Variants in PCDHB1 observed in about 807,000 individuals in gnomAD.
PCDHB1 encodes protocadherin beta 1, also known as protocadherin beta-1.
In PCDHB1, 44 loss-of-function variants were observed where a neutral mutation model predicts 43.5. The observed-to-expected ratio is 1.01, with a 90% confidence interval of 0.79 to 1.30. The LOEUF (loss-of-function observed/expected upper bound fraction) is 1.30, where lower values mean the gene tolerates loss of function less well. PCDHB1 is among the 50% of genes most tolerant of loss of function. The pLI, the probability that PCDHB1 is intolerant of heterozygous loss-of-function variation, is 0.00. For synonymous variants in PCDHB1, 392 were observed against 400.8 expected, an observed-to-expected ratio of 0.98 and a Z score of 0.26; for missense variants, 919 against 1,008.9, an observed-to-expected ratio of 0.91 and a Z score of 1.21.
Position 141,052,657 on chromosome 5 carries a change from C to T in PCDHB1, c.1187C>T (p.Pro396Leu), listed in dbSNP as rs1751017149. ...LREDLPFVIK[P>L]TFGNSYSLVT... ...GAAGACCTTCCCTTTGTAATCAAAC[C>T]TACATTTGGGAATTCTTACTCACTG... Residue 396 changes from proline (P) to leucine (L), a missense_variant, in exon 1 of 1, where the codon CCT (proline) becomes CTT (leucine). Physicochemically the swap from Pro to Leu is moderately conservative, Grantham distance 98. Transcript: ENST00000306549. 2.5e-6 allele frequency: 4 copies of T among 1,614,010 alleles called. No individual in the cohort carries two copies. Among genetic ancestry groups the T allele is most frequent in the Middle Eastern group, 1.6e-4 (1 of 6,084 alleles).
In PCDHB1 at chr5:141,053,357, G is replaced by T; in HGVS notation, c.1887G>T (p.Arg629Ser). The T allele has an allele frequency of 6.2e-7, 1 of 1,614,004 alleles. No homozygotes were observed. Among genetic ancestry groups the T allele is most frequent in the African/African-American group, 1.3e-5 (1 of 74,894 alleles). The part of the protein sequence containing the change: ...QRQNGEIHTL[R>S]QISERDPMMQ... The stretch of plus-strand genomic sequence containing the variant: ...AAAATGGAGAAATCCATACATTAAG[G>T]CAGATATCTGAGAGAGACCCCATGA... The change falls in exon 1 of 1, where the codon AGG becomes AGT. Residue 629 changes from arginine (R) to serine (S), a missense_variant. Physicochemically the swap from Arg to Ser is moderately radical, Grantham distance 110. Transcript: ENST00000306549.
In PCDHB1 at chr5:141,056,881, A is replaced by G. The variant is rs1164194269; in HGVS notation, c.*2954A>G. The stretch of plus-strand genomic sequence containing the variant: ...GGTGATCCACCCGCCTTGGCCTCCC[A>G]AAGTGCTAGGATTACAGCACCATGC... On this transcript the variant is annotated 3_prime_UTR_variant, in exon 1 of 1. Transcript: ENST00000306549. 1.3e-5 allele frequency: 2 copies of G among 152,356 alleles called. No homozygotes were observed. Among genetic ancestry groups the G allele is most frequent in the African/African-American group, 4.8e-5 (2 of 41,582 alleles). The allele number at this position is 152,356 out of a possible 1,614,324, so 9.4% of individuals were successfully genotyped here.
In PCDHB1 at chr5:141,056,415, C is replaced by T. The variant is rs1751134587; in HGVS notation, c.*2488C>T. ...TTAAAGAACAGATGAAGCAAATGCA[C>T]TATATCAATGAATTGCTTTTATTTT... On this transcript the variant is annotated 3_prime_UTR_variant, in exon 1 of 1. Transcript: ENST00000306549. The T allele has an allele frequency of 6.6e-6, 1 of 152,104 alleles. No individual in the cohort carries two copies. Among genetic ancestry groups the T allele is most frequent in the African/African-American group, 2.4e-5 (1 of 41,410 alleles). 9.4% of individuals were successfully genotyped at this position (152,104 alleles called of 1,614,324 possible).
In PCDHB1 at chr5:141,052,825, T is replaced by G. The variant is rs1298388232; in HGVS notation, c.1355T>G (p.Phe452Cys). The change falls in exon 1 of 1, where the codon TTT (phenylalanine) becomes TGT (cysteine). Residue 452 changes from phenylalanine to cysteine, a missense_variant. Physicochemically the swap from Phe to Cys is radical, Grantham distance 205. Transcript: ENST00000306549. ...GACGTTAATGACAATCCTCCAATAT[T>G]TCGGGAAGATTCCTATATCTTGACT... ...ISDVNDNPPIFREDSYILTVR... is the reference protein window; with the variant it reads ...ISDVNDNPPICREDSYILTVR... 1 of 1,614,124 alleles carries G rather than the reference T, an allele frequency of 6.2e-7. No individual in the cohort carries two copies. Among genetic ancestry groups the G allele is most frequent in the Non-Finnish European group, 8.5e-7 (1 of 1,180,032 alleles).
In PCDHB1 at chr5:141,051,991, C is replaced by A. The variant is rs1750987183; in HGVS notation, c.521C>A (p.Ala174Asp). 3.7e-6 allele frequency: 6 copies of A among 1,614,200 alleles called. 1 individual carries two copies. In the East Asian group the frequency reaches 6.7e-5, roughly 18 times the overall value. Residue 174 changes from alanine (A) to aspartate (D), a missense_variant, in exon 1 of 1, where the codon GCC (alanine) becomes GAC (aspartate). Ala to Asp is a moderately radical substitution (Grantham distance 126, BLOSUM62 -2). Coordinates refer to ENST00000306549, the MANE Select transcript of PCDHB1 (RefSeq NM_013340.4). ...LNGLQNYTLS[A>D]NGYFHLHTRF... is the part of the protein sequence containing the mutation. Reference sequence around the variant, plus strand: ...GGTCTCCAGAACTACACCCTGAGTGCCAATGGGTATTTCCACCTGCACACC... The same window carrying A: ...GGTCTCCAGAACTACACCCTGAGTGACAATGGGTATTTCCACCTGCACACC...
rs1751058538 is a variant in PCDHB1 at position 141,053,726 on chromosome 5, T to C, written c.2256T>C (p.Pro752=). The change falls in exon 1 of 1, where the codon CCT becomes CCC. Residue 752 remains proline, a synonymous_variant. Coordinates refer to ENST00000306549, the MANE Select transcript of PCDHB1 (RefSeq NM_013340.4). ...AAGGCAATGGATCCTTATCTCGGCC[T>C]TGTCCATATGAAATGTGTTCAGCCA... ...QGQGNGSLSR[P]CPYEMCSATG... The C allele has an allele frequency of 6.2e-7, 1 of 1,614,212 alleles. No homozygotes were observed. The highest frequency in any genetic ancestry group is 8.5e-7 in the Non-Finnish European group (1 of 1,180,010).
chr5:141,053,828 G>A lies in PCDHB1; in HGVS notation c.2358G>A (p.Glu786=). The stretch of plus-strand genomic sequence containing the variant: ...TCCCTTTCCCTCATGCCACTGGGGA[G>A]ATAAAAATGGAGGCTGGCTCCAGTT... ...PNFPFPHATG[E]IKMEAGSSLP... The change falls in exon 1 of 1, where the codon GAG becomes GAA. Residue 786 remains glutamate, a synonymous_variant. Transcript: ENST00000306549. 3 of 1,614,122 alleles carry A rather than the reference G, an allele frequency of 1.9e-6. No homozygotes were observed. Among genetic ancestry groups the A allele is most frequent in the South Asian group, 1.1e-5 (1 of 91,078 alleles).
chr5:141,052,252 T>TGG lies in PCDHB1; in HGVS notation c.783_784dup (p.Ala262GlyfsTer4). ...GAGAACAGCCCCAATGGCTCTTTGG[T>TGG]GGCCACGGTGACTGCCGTGGACCTA... On this transcript the variant is annotated frameshift_variant, in exon 1 of 1. Coordinates refer to ENST00000306549, the MANE Select transcript of PCDHB1 (RefSeq NM_013340.4). LOFTEE classifies it high-confidence loss of function. The TGG allele has an allele frequency of 6.2e-7, 1 of 1,614,176 alleles. No individual in the cohort carries two copies. Among genetic ancestry groups the TGG allele is most frequent in the South Asian group, 1.1e-5 (1 of 91,080 alleles).
rs1751000488 is a variant in PCDHB1, at chr5:141,052,245, T to G, written c.775T>G (p.Ser259Ala). The change falls in exon 1 of 1, where the codon TCT becomes GCT. Residue 259 changes from serine (S) to alanine (A), a missense_variant. Ser to Ala is a moderately conservative substitution (Grantham distance 99). Transcript: ENST00000306549. ...GGTATCAGAGAACAGCCCCAATGGCTCTTTGGTGGCCACGGTGACTGCCGT... is the reference window on the plus strand; with the variant it reads ...GGTATCAGAGAACAGCCCCAATGGCGCTTTGGTGGCCACGGTGACTGCCGT... Reference protein sequence around the residue: ...AQVSENSPNGSLVATVTAVDL... With the variant: ...AQVSENSPNGALVATVTAVDL... The G allele has an allele frequency of 6.2e-7, 1 of 1,614,012 alleles. No homozygotes were observed. The highest frequency in any genetic ancestry group is 2.2e-5 in the East Asian group (1 of 44,872).
In PCDHB1 at chr5:141,052,537, T is replaced by A. The variant is rs781859000; in HGVS notation, c.1067T>A (p.Leu356His). 3.1e-6 allele frequency: 5 copies of A among 1,614,028 alleles called. No individual in the cohort carries two copies. The highest frequency in any genetic ancestry group is 4.2e-6 in the Non-Finnish European group (5 of 1,180,036). ...ATGGTCTCCTCTGTGTCCAGCCCAC[T>A]CCCTGAAGACTCACCACCACAGACA... Reference protein sequence around the residue: ...EVMVSSVSSPLPEDSPPQTVV... With the variant: ...EVMVSSVSSPHPEDSPPQTVV... Residue 356 changes from leucine (L) to histidine (H), a missense_variant, in exon 1 of 1, where the codon CTC becomes CAC. By Grantham distance (99) the Leu-to-His change is moderately conservative. Transcript: ENST00000306549.
At position 141,055,016 on chromosome 5, in the gene PCDHB1, T is replaced by C. The variant is rs889562668; in HGVS notation, c.*1089T>C. On this transcript the variant is annotated 3_prime_UTR_variant, in exon 1 of 1. Coordinates refer to ENST00000306549, the MANE Select transcript of PCDHB1 (RefSeq NM_013340.4). The stretch of plus-strand genomic sequence containing the variant: ...CAGCCAGATTTGATTTCTTGATTGT[T>C]TGGAGCCATAGGCAAGTCTCAAATC... 5.3e-5 allele frequency: 8 copies of C among 152,200 alleles called. No individual in the cohort carries two copies. The highest frequency in any genetic ancestry group is 1.9e-4 in the African/African-American group (8 of 41,436). The allele number at this position is 152,200 out of a possible 1,614,324, so 9.4% of individuals were successfully genotyped here. A position where few individuals can be genotyped will look rare whatever the true frequency, so the allele number is the denominator to read the frequency against.
At position 141,052,484 on chromosome 5, in the gene PCDHB1, G is replaced by C; in HGVS notation, c.1014G>C (p.Val338=). The C allele has an allele frequency of 1.2e-6, 2 of 1,614,204 alleles. No homozygotes were observed. The highest frequency in any genetic ancestry group is 1.6e-4 in the Middle Eastern group (1 of 6,062). Residue 338 remains valine, a synonymous_variant, in exon 1 of 1, where the codon GTG becomes GTC. Transcript: ENST00000306549. ...ACAGCAAAGTCCTGGTAGAAGTGGT[G>C]GATGTGAATGACAATCCTCCCGAAG... ...SAHSKVLVEV[V]DVNDNPPEVM... is the part of the protein sequence containing the mutation.
Position 141,051,477 on chromosome 5 carries a change from G to A in PCDHB1, c.7G>A (p.Gly3Ser). 6.2e-7 allele frequency: 1 copy of A among 1,613,818 alleles called. No individual in the cohort carries two copies. The highest frequency in any genetic ancestry group is 8.5e-7 in the Non-Finnish European group (1 of 1,179,702). MAGTRRKSLQNRQ... is the reference protein window; with the variant it reads MASTRRKSLQNRQ... ...AGCGCGCTTGTGAGAACTGATGGCG[G>A]GTACGCGCAGAAAATCTTTGCAAAA... The change falls in exon 1 of 1, where the codon GGT becomes AGT. Residue 3 changes from glycine (G) to serine (S), a missense_variant. Physicochemically the swap from Gly to Ser is moderately conservative, Grantham distance 56 (BLOSUM62 0). Coordinates refer to ENST00000306549, the MANE Select transcript of PCDHB1 (RefSeq NM_013340.4).
Position 141,053,224 on chromosome 5 carries a change from AC to A in PCDHB1, c.1756del (p.Leu586Ter), listed in dbSNP as rs1751040565. On this transcript the variant is annotated frameshift_variant, in exon 1 of 1. Transcript: ENST00000306549. LOFTEE classifies it high-confidence loss of function. ...GTGCCCAGGTCTGCAGAGGCAGGCTACCTAGTGACCAAAGTGGTGGCTGTGG... is the reference window on the plus strand; with the variant it reads ...GTGCCCAGGTCTGCAGAGGCAGGCTACTAGTGACCAAAGTGGTGGCTGTGG... ...DLVPRSAEAG[Y>X]LVTKVVAVDG... 1 of 1,614,106 alleles carries A rather than the reference AC, an allele frequency of 6.2e-7. No individual in the cohort carries two copies. Among genetic ancestry groups the A allele is most frequent in the African/African-American group, 1.3e-5 (1 of 74,946 alleles).
rs781978049 is a variant in PCDHB1 at position 141,052,609 on chromosome 5, GAA to G, written c.1142_1143del (p.Lys381SerfsTer26). The G allele has an allele frequency of 1.5e-5, 25 of 1,613,996 alleles. No homozygotes were observed. Among genetic ancestry groups the G allele is most frequent in the Non-Finnish European group, 1.9e-5 (23 of 1,180,030 alleles). On this transcript the variant is annotated frameshift_variant, in exon 1 of 1. Transcript: ENST00000306549. LOFTEE classifies it high-confidence loss of function. ...AGAGACCGGGACATTCGAGTGGGAG[GAA>G]AAGTCACCTGCTTCCTCAGAGAAGA...
chr5:141,051,472 TGGC>T lies in PCDHB1; in HGVS notation c.5_7del (p.Ala2?), dbSNP rs1750962300. On this transcript the variant is annotated start_lost and inframe_deletion, in exon 1 of 1. Coordinates refer to ENST00000306549, the MANE Select transcript of PCDHB1 (RefSeq NM_013340.4). Reference sequence around the variant, plus strand: ...CAGAGAGCGCGCTTGTGAGAACTGATGGCGGGTACGCGCAGAAAATCTTTGCAA... The same window carrying T: ...CAGAGAGCGCGCTTGTGAGAACTGATGGGTACGCGCAGAAAATCTTTGCAA... 1 of 1,613,690 alleles carries T rather than the reference TGGC, an allele frequency of 6.2e-7. No homozygotes were observed. The highest frequency in any genetic ancestry group is 1.1e-5 in the South Asian group (1 of 91,084).
In PCDHB1 at chr5:141,055,423, C is replaced by G. The variant is rs1751112444; in HGVS notation, c.*1496C>G. The stretch of plus-strand genomic sequence containing the variant: ...TGGGCAACAGAGTGAGACGCTGTCT[C>G]AAAAACATAAAAATAAATACATAAA... On this transcript the variant is annotated 3_prime_UTR_variant, in exon 1 of 1. Transcript: ENST00000306549. 1 of 152,078 alleles carries G rather than the reference C, an allele frequency of 6.6e-6. No individual in the cohort carries two copies. The highest frequency in any genetic ancestry group is 6.6e-5 in the Admixed American group (1 of 15,260). The allele number at this position is 152,078 out of a possible 1,614,324, so 9.4% of individuals were successfully genotyped here.
At position 141,051,998 on chromosome 5, in the gene PCDHB1, G is replaced by A. The variant is rs1554267164; in HGVS notation, c.528G>A (p.Gly176=). ...AGAACTACACCCTGAGTGCCAATGG[G>A]TATTTCCACCTGCACACCCGCTTCT... ...GLQNYTLSAN[G]YFHLHTRFCS... is the part of the protein sequence containing the mutation. Residue 176 remains glycine, a synonymous_variant, in exon 1 of 1, where the codon GGG becomes GGA. Transcript: ENST00000306549. The A allele has an allele frequency of 5.6e-6, 9 of 1,614,038 alleles. No individual in the cohort carries two copies. The highest frequency in any genetic ancestry group is 7.6e-6 in the Non-Finnish European group (9 of 1,180,052).
Position 141,052,292 on chromosome 5 carries a change from C to G in PCDHB1, c.822C>G (p.Asn274Lys). Residue 274 changes from asparagine (N) to lysine (K), a missense_variant, in exon 1 of 1, where the codon AAC becomes AAG. By Grantham distance (94) the Asn-to-Lys change is moderately conservative (BLOSUM62 0). Transcript: ENST00000306549. ...VTAVDLDEGTNKAITYSLAQN... is the reference protein window; with the variant it reads ...VTAVDLDEGTKKAITYSLAQN... ...CCGTGGACCTAGACGAGGGCACCAA[C>G]AAAGCGATAACTTACTCTTTAGCTC... The G allele has an allele frequency of 6.2e-7, 1 of 1,614,226 alleles. No individual in the cohort carries two copies. Among genetic ancestry groups the G allele is most frequent in the Non-Finnish European group, 8.5e-7 (1 of 1,180,050 alleles).
Sources: allele counts gnomAD v4.1 joint callset, GRCh38; gene constraint gnomAD v4.1.1; transcripts MANE v1.5; gene names NCBI Gene and HGNC (gene_info 2026-07-23, HGNC 2026-07-21).